FAM117B: variants seen among roughly 807,000 people sequenced by gnomAD.
The protein encoded by FAM117B is family with sequence similarity 117 member B, also known as protein FAM117B.
In FAM117B, 22 loss-of-function variants were observed where a neutral mutation model predicts 52.8. That is an observed-to-expected ratio of 0.42 (90% confidence interval 0.30 to 0.59). FAM117B has a LOEUF of 0.59. Among genes scored for constraint, FAM117B ranks in the 20% least tolerant of loss-of-function variants. The pLI, the probability that FAM117B is intolerant of heterozygous loss-of-function variation, is 0.22. For missense variants in FAM117B, 678 were observed against 802.6 expected (o/e 0.84, Z 1.88); for synonymous variants, 309 against 324.1 (o/e 0.95, Z 0.50).
chr2:202,640,599 A>G (rs1288224801), intron 1 of FAM117B, among the ~76,000 whole-genome samples: 1 of 151,264 alleles, frequency 6.6e-6, no homozygotes, highest in Non-Finnish European at 1.5e-5. Flanking sequence ...TGCTGCTAAC[A>G]TTACACATTC....
intron 4 of FAM117B, among the ~76,000 whole-genome samples, chr2:202,740,359 C>CAAAAA (rs769846441): frequency 1.5e-5 from 1 of 65,578 alleles, no homozygotes; most frequent in African/African-American, 5.0e-5. Flanking sequence ...GACTCTGCCT[C>CAAAAA]AAAAAAAAAA....
At chr2:202,654,979 CAG>C (rs1306181810) in intron 1 of FAM117B, among the ~76,000 whole-genome samples, 1 of 151,604 alleles carries the variant, frequency 6.6e-6, no homozygotes. Context: ...CAAAACAAAA[CAG>C]AAAAAGAAAA....
chr2:202,705,646 C>G (rs2105780342), intron 2 of FAM117B, among the ~76,000 whole-genome samples: 1 of 152,318 alleles, frequency 6.6e-6, no homozygotes, highest in South Asian at 2.1e-4. Flanking sequence ...TGTCACCAAC[C>G]TCTGCCCCCA....
chr2:202,641,641 CTTT>C (rs36085021), intron 1 of FAM117B, among the ~76,000 whole-genome samples: 10 of 140,186 alleles, frequency 7.1e-5, no homozygotes, highest in African/African-American at 7.8e-5. Flanking sequence ...ATTTTATTTT[CTTT>C]TTTTTTTTTT....
intron 2 of FAM117B, among the ~76,000 whole-genome samples, chr2:202,711,366 T>C (rs1218425292): frequency 2.6e-5 from 4 of 152,188 alleles, no homozygotes; most frequent in African/African-American, 2.4e-5. Flanking sequence ...TTGAGAAATA[T>C]CTATTGAGAT....
intron 1 of FAM117B, among the ~76,000 whole-genome samples, chr2:202,692,005 T>C (rs1334706225): frequency 6.6e-6 from 1 of 152,148 alleles, no homozygotes; most frequent in Admixed American, 6.5e-5. Flanking sequence ...CTCAGACATA[T>C]TTGTGAAGCA....
At chr2:202,651,236 A>G (rs1034209824) in intron 1 of FAM117B, among the ~76,000 whole-genome samples, 5 of 151,836 alleles carry the variant, frequency 3.3e-5, no homozygotes, top group African/African-American at 1.2e-4. Context: ...TAATTTTTGT[A>G]TTTTTAGTAG....
intron 1 of FAM117B, among the ~76,000 whole-genome samples, chr2:202,651,086 G>A (rs564898924): frequency 2.1e-5 from 3 of 144,188 alleles, no homozygotes; most frequent in South Asian, 2.2e-4. Flanking sequence ...TTTTTAAGAC[G>A]GAATCTTGCT....
intron 1 of FAM117B, among the ~76,000 whole-genome samples, chr2:202,636,272 G>T (rs1043718349): frequency 6.6e-6 from 1 of 152,258 alleles, no homozygotes; most frequent in Non-Finnish European, 1.5e-5. Context: ...TGCATTAGCA[G>T]TGGCAGATTT....
chr2:202,768,034 A>G lies in FAM117B; in HGVS notation c.*2270A>G, dbSNP rs1692009371. On this transcript the variant is annotated 3_prime_UTR_variant, in exon 8 of 8. Transcript: ENST00000392238. ...TCTGCTGTATCAGAAGTTCAGAAGA[A>G]AAGGTAAAACTGAAATCAGAATGGG... is the stretch of plus-strand genomic sequence containing the variant. 1 of 152,188 alleles carries G rather than the reference A, an allele frequency of 6.6e-6. No individual in the cohort carries two copies. The highest frequency in any genetic ancestry group is 1.5e-5 in the Non-Finnish European group (1 of 68,020). The allele number at this position is 152,188 out of a possible 1,614,324, so 9.4% of individuals were successfully genotyped here. A position where few individuals can be genotyped will look rare whatever the true frequency, so the allele number is the denominator to read the frequency against.
chr2:202,652,577 G>T (rs1488141215), intron 1 of FAM117B, among the ~76,000 whole-genome samples: 1 of 152,206 alleles, frequency 6.6e-6, no homozygotes, highest in Non-Finnish European at 1.5e-5. Flanking sequence ...AGTACTTCAT[G>T]ACAAAAGCCT....
At chr2:202,657,369 T>C (rs1446993012) in intron 1 of FAM117B, among the ~76,000 whole-genome samples, 1 of 152,150 alleles carries the variant, frequency 6.6e-6, no homozygotes, top group Non-Finnish European at 1.5e-5. Context: ...ATTACAGGGG[T>C]GATCCACCAT....
chr2:202,700,234 C>G (rs1690777552), intron 2 of FAM117B, among the ~76,000 whole-genome samples: 1 of 152,196 alleles, frequency 6.6e-6, no homozygotes, highest in Admixed American at 6.5e-5. Flanking sequence ...CAAGGCACGT[C>G]AAAAGCTGAG....
At chr2:202,679,289 G>T (rs1305308275) in intron 1 of FAM117B, among the ~76,000 whole-genome samples, 1 of 152,208 alleles carries the variant, frequency 6.6e-6, no homozygotes, top group Admixed American at 6.5e-5. Context: ...AGATCACACT[G>T]TAGGCAGGGG....
At chr2:202,749,868 A>T (rs1308897753) in intron 4 of FAM117B, among the ~76,000 whole-genome samples, 1 of 152,202 alleles carries the variant, frequency 6.6e-6, no homozygotes, top group Non-Finnish European at 1.5e-5. Flanking sequence ...TCTCTGGATC[A>T]CTATATCTCT....
chr2:202,687,349 T>G (rs747430891), intron 1 of FAM117B, among the ~76,000 whole-genome samples: 2 of 152,248 alleles, frequency 1.3e-5, no homozygotes, highest in Non-Finnish European at 2.9e-5. Context: ...GGCAGTGTTC[T>G]AAATCTTGAT....
At chr2:202,674,531 T>C (rs1690346789) in intron 1 of FAM117B, among the ~76,000 whole-genome samples, 1 of 152,226 alleles carries the variant, frequency 6.6e-6, no homozygotes, top group South Asian at 2.1e-4. Context: ...AATATGGACA[T>C]AGCACAGAGG....
chr2:202,716,019 C>T (rs536244492), intron 2 of FAM117B, among the ~76,000 whole-genome samples: 170 of 151,514 alleles, frequency 1.1e-3, no homozygotes, highest in Non-Finnish European at 2.0e-3. Flanking sequence ...TGCAGTGAGC[C>T]GAGATGGCAG....
At position 202,767,331 on chromosome 2, in the gene FAM117B, T is replaced by A. The variant is rs1691997742; in HGVS notation, c.*1567T>A. 2 of 152,068 alleles carry A rather than the reference T, an allele frequency of 1.3e-5. No individual in the cohort carries two copies. The allele number at this position is 152,068 out of a possible 1,614,324, so 9.4% of individuals were successfully genotyped here. A position where few individuals can be genotyped will look rare whatever the true frequency, so the allele number is the denominator to read the frequency against. ...ATGCACCACCACACCCAGCTAATTT[T>A]GTATTTTTAGTATATATGGGGTTTC... On this transcript the variant is annotated 3_prime_UTR_variant, in exon 8 of 8. Coordinates refer to ENST00000392238, the MANE Select transcript of FAM117B (RefSeq NM_173511.4).
Sources: gnomAD v4.1 joint callset for allele counts (sites outside exome capture counted in the v4.1 genomes callset) on GRCh38, gnomAD v4.1.1 for gene constraint, MANE v1.5 for transcripts, NCBI Gene and HGNC (gene_info 2026-07-23, HGNC 2026-07-21) for gene names.